Variants in NEK10 observed in about 807,000 individuals in gnomAD.
NEK10 encodes the protein NIMA related kinase 10, also known as serine/threonine-protein kinase Nek10.
In NEK10, 122 loss-of-function variants were observed where a neutral mutation model predicts 159.8. The observed-to-expected ratio is 0.76, with a 90% CI of 0.66 to 0.89. The LOEUF is 0.89. NEK10 is among the 40% of genes least tolerant of loss of function. NEK10 has a pLI of 0.00. For missense variants in NEK10, 1,342 were observed against 1,323.1 expected, an observed-to-expected ratio of 1.01 and a Z score of -0.22; for synonymous variants, 466 against 457.1, an observed-to-expected ratio of 1.02 and a Z score of -0.25.
intron 30 of NEK10, among the ~76,000 whole-genome samples, chr3:27,153,151 T>A (rs1945052600): frequency 6.6e-6 from 1 of 151,944 alleles, no homozygotes; most frequent in Admixed American, 6.6e-5. Context: ...AAACCCCATC[T>A]CTACTAAAAA....
chr3:27,305,099 C>T (rs1480904102), intron 11 of NEK10, 128 bp from the exon 12 acceptor site: 11 of 645,632 alleles, frequency 1.7e-5, no homozygotes, highest in Non-Finnish European at 2.4e-5. Flanking sequence ...GGTCAATGTG[C>T]CATTTTCTGT....
At position 27,109,656 on chromosome 3, in the gene NEK10, T is replaced by C. The variant is rs1010379649; in HGVS notation, c.*1616A>G. On this transcript the variant is annotated 3_prime_UTR_variant, in exon 36 of 36. Coordinates refer to ENST00000691995, the MANE Select transcript of NEK10 (RefSeq NM_001394966.1). ...GAAGAAATGTGCCCCTTTCATACAC[T>C]GAAAGATAAAAAGAATTATAAGTGC... 6.6e-6 allele frequency among the ~76,000 whole-genome samples: 1 copy of C among 152,154 alleles called. No homozygotes were observed. Among genetic ancestry groups the C allele is most frequent in the Non-Finnish European group, 1.5e-5 (1 of 68,022 alleles).
intron 18 of NEK10, 32 bp downstream of exon 18, chr3:27,291,230 G>T: frequency 6.3e-7 from 1 of 1,599,634 alleles, no homozygotes; most frequent in Non-Finnish European, 8.5e-7. Context: ...TTGGTTGGGA[G>T]TATCAGAAAT....
chr3:27,286,545 C>CTTTT lies in NEK10; in HGVS notation c.1789+1149_1789+1152dup, dbSNP rs36101281. ...TACAGGCGCCTGCCACCACGCCCAG[C>CTTTT]TTTTTTTTTTTTTTTTTTTTTTTAA... On this transcript the variant is annotated intron_variant, in intron 20 of 35. Coordinates refer to ENST00000691995, the MANE Select transcript of NEK10 (RefSeq NM_001394966.1). 4.9e-3 allele frequency among the ~76,000 whole-genome samples: 320 copies of CTTTT among 65,006 alleles called. 47 individuals carry two copies. The highest frequency in any genetic ancestry group is 0.019 in the African/African-American group (218 of 11,218). 42.6% of individuals were successfully genotyped at this position (65,006 alleles called of 152,430 possible).
chr3:27,229,738 T>C (rs1953032740), intron 23 of NEK10, among the ~76,000 whole-genome samples: 2 of 152,028 alleles, frequency 1.3e-5, no homozygotes, highest in South Asian at 4.1e-4. Context: ...ATGGACAGTT[T>C]CAACAATAGA....
At chr3:27,157,599 T>C (rs775734897) in intron 30 of NEK10, among the ~76,000 whole-genome samples, 3 of 152,208 alleles carry the variant, frequency 2.0e-5, no homozygotes, top group Non-Finnish European at 4.4e-5. Context: ...CTGGTAAAGA[T>C]GCTATGAACA....
chr3:27,296,001 T>C (rs1169559272), intron 14 of NEK10, among the ~76,000 whole-genome samples: 3 of 152,156 alleles, frequency 2.0e-5, no homozygotes, highest in African/African-American at 2.4e-5. Context: ...AGTAAAGGTG[T>C]CCCAATATCT....
chr3:27,281,360 T>C (rs377194588), intron 22 of NEK10, among the ~76,000 whole-genome samples: 1 of 151,914 alleles, frequency 6.6e-6, no homozygotes, highest in African/African-American at 2.4e-5. Context: ...TACAGACACA[T>C]TGAATTTTAA....
intron 5 of NEK10, among the ~76,000 whole-genome samples, chr3:27,330,312 G>C (rs2046308235): frequency 6.6e-6 from 1 of 152,172 alleles, no homozygotes; most frequent in Admixed American, 6.5e-5. Flanking sequence ...GGTTGTTAAA[G>C]CTTATTTGCT....
At chr3:27,346,648 C>T (rs906950207) in intron 3 of NEK10, among the ~76,000 whole-genome samples, 19 of 152,100 alleles carry the variant, frequency 1.2e-4, no homozygotes, top group Non-Finnish European at 5.9e-5. Flanking sequence ...GCTCCTGGAT[C>T]CAGGTAGAAC....
intron 23 of NEK10, 38 bp from the exon 24 acceptor site, chr3:27,202,595 G>A: frequency 1.3e-6 from 2 of 1,485,920 alleles, no homozygotes; most frequent in Non-Finnish European, 1.8e-6. Context: ...TGCTAAGGAA[G>A]GGAGAATCCG....
Position 27,164,947 on chromosome 3 carries a change from A to C in NEK10, c.2832-2209T>G, listed in dbSNP as rs577613079. The stretch of plus-strand genomic sequence containing the variant: ...ACAAATGTTATGCATAATGTGTGCT[A>C]GTGGGATATGTGACATAGAACACCC... On this transcript the variant is annotated intron_variant, in intron 29 of 35. Coordinates refer to ENST00000691995, the MANE Select transcript of NEK10 (RefSeq NM_001394966.1). 5.3e-5 allele frequency among the ~76,000 whole-genome samples: 8 copies of C among 152,378 alleles called. No homozygotes were observed. In the South Asian group the frequency reaches 8.3e-4, roughly 16 times the overall value.
At chr3:27,316,560 C>G (rs1451573998) in intron 6 of NEK10, among the ~76,000 whole-genome samples, 2 of 152,064 alleles carry the variant, frequency 1.3e-5, no homozygotes, top group Admixed American at 1.3e-4. Context: ...GGGAGTTATT[C>G]ACATGAAGGA....
At position 27,234,373 on chromosome 3, in the gene NEK10, T is replaced by C. The variant is rs368113369; in HGVS notation, c.2090+21923A>G. Among the ~76,000 whole-genome samples, 103 of 152,276 alleles carry C rather than the reference T, an allele frequency of 6.8e-4. No homozygotes were observed. In the South Asian group the frequency reaches 0.013, roughly 20 times the overall value. On this transcript the variant is annotated intron_variant, in intron 23 of 35. Coordinates refer to ENST00000691995, the MANE Select transcript of NEK10 (RefSeq NM_001394966.1). ...CCTATATCAAGAAAACCCCATTGTC[T>C]CATCCCAAAAATTTCTTAAGCTGGT...
chr3:27,264,067 G>C (rs1215897217), intron 22 of NEK10, among the ~76,000 whole-genome samples: 2 of 152,130 alleles, frequency 1.3e-5, no homozygotes, highest in Non-Finnish European at 2.9e-5. Flanking sequence ...CAAAGAGAAT[G>C]TGTGACTTGC....
Position 27,262,376 on chromosome 3 carries a change from C to T in NEK10, c.2015-6005G>A, listed in dbSNP as rs987239073. 1.3e-4 allele frequency among the ~76,000 whole-genome samples: 20 copies of T among 152,250 alleles called. No homozygotes were observed. In the South Asian group the frequency reaches 3.5e-3, roughly 27 times the overall value. On this transcript the variant is annotated intron_variant, in intron 22 of 35. Coordinates refer to ENST00000691995, the MANE Select transcript of NEK10 (RefSeq NM_001394966.1). ...TGTATTTCCTGAATTTAAATGTTGG[C>T]CTGCCTTGCTAGATTGGGGAAGTAC...
chr3:27,129,191 T>TATAA (rs2125502588), intron 32 of NEK10, among the ~76,000 whole-genome samples: 1 of 152,238 alleles, frequency 6.6e-6, no homozygotes, highest in Admixed American at 6.5e-5. Flanking sequence ...TTAGGTGAGG[T>TATAA]ATAAATAAAG....
At chr3:27,204,298 G>GTTTTTT (rs1559606061) in intron 23 of NEK10, among the ~76,000 whole-genome samples, 114 of 65,350 alleles carry the variant, frequency 1.7e-3, no homozygotes, top group South Asian at 4.4e-3. Context: ...TTTTTTTGTT[G>GTTTTTT]TTGTTTTTTT....
At position 27,290,761 on chromosome 3, in the gene NEK10, TAAAG is replaced by T. The variant is rs765026589; in HGVS notation, c.1606-11_1606-8del. 12 of 1,584,512 alleles carry T rather than the reference TAAAG, an allele frequency of 7.6e-6. No homozygotes were observed. Among genetic ancestry groups the T allele is most frequent in the Non-Finnish European group, 1.0e-5 (12 of 1,167,200 alleles). ...GACCACTATGCTTTCTAACCTAAAA[TAAAG>T]AAAAACACAACAACAACAAAAGGAA... On this transcript the variant is annotated splice_region_variant and splice_polypyrimidine_tract_variant and intron_variant, in intron 18 of 35. Transcript: ENST00000691995.
Sources: allele counts gnomAD v4.1 joint callset (sites outside exome capture counted in the v4.1 genomes callset), GRCh38; gene constraint gnomAD v4.1.1; transcripts MANE v1.5; gene names NCBI Gene and HGNC (gene_info 2026-07-23, HGNC 2026-07-21).